The following NALCN variants were observed in gnomAD, a reference collection of about 807,000 sequenced individuals.
The protein encoded by NALCN is sodium leak channel NALCN.
NALCN carries 111 observed loss-of-function variants against 225.3 expected under a neutral mutation model. The ratio of observed to expected loss-of-function variants is 0.49; its 90% CI spans 0.42 to 0.58. NALCN has a LOEUF of 0.58. Ranked by LOEUF, NALCN falls within the 20% of genes least tolerant of loss-of-function variation. NALCN has a pLI of 0.00. For synonymous variants in NALCN, 764 were observed against 769.0 expected, an observed-to-expected ratio of 0.99 and a Z score of 0.11; for missense variants, 1,378 against 2,202.4, an observed-to-expected ratio of 0.63 and a Z score of 7.49.
chr13:101,233,028 AC>A (rs1453661064), intron 12 of NALCN, among the ~76,000 whole-genome samples: 11 of 152,116 alleles, frequency 7.2e-5, no homozygotes, highest in Non-Finnish European at 1.0e-4. Flanking sequence ...AAAGGGTTAA[AC>A]CTGCATTCCT....
At chr13:101,182,137 A>AG (rs1274675171) in intron 14 of NALCN, among the ~76,000 whole-genome samples, 1 of 149,410 alleles carries the variant, frequency 6.7e-6, no homozygotes, top group Non-Finnish European at 1.5e-5. Flanking sequence ...CCATCTCAAA[A>AG]AAAAAAAAAA....
chr13:101,387,220 T>A (rs1425730641), intron 3 of NALCN, among the ~76,000 whole-genome samples: 1 of 93,644 alleles, frequency 1.1e-5, no homozygotes, highest in Admixed American at 1.7e-4. Context: ...AGAGCGAGAC[T>A]CCGTCTCAAA....
chr13:101,385,657 C>A (rs2046966779), intron 3 of NALCN, among the ~76,000 whole-genome samples: 1 of 152,126 alleles, frequency 6.6e-6, no homozygotes, highest in Non-Finnish European at 1.5e-5. Flanking sequence ...CTTTTGGGCC[C>A]AATCTTGTAC....
At chr13:101,345,504 A>G (rs2045691179) in intron 6 of NALCN, 84 bp from the exon 7 acceptor site, 1 of 1,470,426 alleles carries the variant, frequency 6.8e-7, no homozygotes. Flanking sequence ...CCCTTCATTA[A>G]TATCTATGTA....
intron 13 of NALCN, among the ~76,000 whole-genome samples, chr13:101,223,130 T>G: frequency 6.6e-6 from 1 of 152,146 alleles, no homozygotes; most frequent in East Asian, 1.9e-4. Flanking sequence ...AACAACTCTT[T>G]TACGGGACAT....
At chr13:101,257,200 T>C (rs1566493998) in intron 11 of NALCN, among the ~76,000 whole-genome samples, 1 of 131,802 alleles carries the variant, frequency 7.6e-6, no homozygotes, top group Non-Finnish European at 1.7e-5. Context: ...AAAACTCTTA[T>C]TGTTTATTGT....
intron 13 of NALCN, among the ~76,000 whole-genome samples, chr13:101,209,561 C>T (rs10508058): frequency 0.25 from 37,783 of 151,770 alleles, 4,884 homozygotes; most frequent in East Asian, 0.37. Context: ...TAATTATTGC[C>T]GGACACATTA....
intron 11 of NALCN, among the ~76,000 whole-genome samples, chr13:101,243,092 GTT>G (rs68186736): frequency 0.023 from 1,687 of 74,000 alleles, 505 homozygotes; most frequent in Middle Eastern, 0.08. Context: ...GCAGATTTAT[GTT>G]TTTTTTTTTT....
rs1329763425 is a variant in NALCN, at chr13:101,089,954, C to G, written c.3282G>C (p.Arg1094=). ...TTCCCACATTGTCGAAATTAAAGTT[C>G]CGAGGATTCGCCCTGCGATTCCAAT... ...FWVPRVWANP[R]NFNFDNVGNA... Residue 1094 remains arginine (R), a synonymous_variant, in exon 29 of 44, where the codon CGG becomes CGC. Transcript: ENST00000251127. The surrounding 1 kb of genome is among the most constrained non-coding windows in gnomAD (Gnocchi z 4.7). 2 of 1,613,918 alleles carry G rather than the reference C, an allele frequency of 1.2e-6. No homozygotes were observed. Among genetic ancestry groups the G allele is most frequent in the Admixed American group, 1.7e-5 (1 of 60,010 alleles).
intron 7 of NALCN, among the ~76,000 whole-genome samples, chr13:101,333,911 C>G (rs565120739): frequency 6.6e-6 from 1 of 152,058 alleles, no homozygotes; most frequent in Non-Finnish European, 1.5e-5. Flanking sequence ...TACATTCAAA[C>G]GAACAGTGAA....
At chr13:101,112,735 T>C (rs548354221) in intron 18 of NALCN, among the ~76,000 whole-genome samples, 8 of 152,244 alleles carry the variant, frequency 5.3e-5, no homozygotes, top group Non-Finnish European at 1.2e-4. Flanking sequence ...TTCACATTTA[T>C]GTTTCTTAAA....
chr13:101,216,157 T>C (rs372589513), intron 13 of NALCN, among the ~76,000 whole-genome samples: 10 of 152,138 alleles, frequency 6.6e-5, no homozygotes, highest in Admixed American at 3.3e-4. Context: ...ATATAATATG[T>C]AGTTGCTTTT....
chr13:101,299,112 A>C (rs1476687474), intron 7 of NALCN, among the ~76,000 whole-genome samples: 1 of 152,228 alleles, frequency 6.6e-6, no homozygotes, highest in Non-Finnish European at 1.5e-5. Flanking sequence ...TTTGCCACAC[A>C]GTAGACAGCT....
At chr13:101,298,347 T>C (rs2043831030) in intron 7 of NALCN, among the ~76,000 whole-genome samples, 2 of 149,096 alleles carry the variant, frequency 1.3e-5, no homozygotes, top group Admixed American at 6.7e-5. Flanking sequence ...TTTGAGACGG[T>C]GTCTTGCTCT....
At chr13:101,393,747 C>G (rs2139483028) in intron 3 of NALCN, among the ~76,000 whole-genome samples, 1 of 152,268 alleles carries the variant, frequency 6.6e-6, no homozygotes, top group Admixed American at 6.5e-5. Flanking sequence ...GCAGAGGTTG[C>G]AGTGAGCTGA....
intron 13 of NALCN, among the ~76,000 whole-genome samples, chr13:101,217,570 G>A (rs1052456466): frequency 2.0e-5 from 3 of 152,266 alleles, no homozygotes; most frequent in Middle Eastern, 3.4e-3. Context: ...AGTCCTAGCT[G>A]TCTTCCTTTC....
intron 1 of NALCN, among the ~76,000 whole-genome samples, chr13:101,403,733 G>A (rs1047037581): frequency 2.6e-5 from 4 of 152,174 alleles, no homozygotes; most frequent in African/African-American, 9.7e-5. Flanking sequence ...AAACTGTGGG[G>A]TCTTTAGGAG....
intron 6 of NALCN, among the ~76,000 whole-genome samples, chr13:101,354,225 C>A (rs2045985331): frequency 6.6e-6 from 1 of 152,132 alleles, no homozygotes; most frequent in Non-Finnish European, 1.5e-5. Context: ...TGCCTGTAAT[C>A]CCAGCTACTT....
intron 15 of NALCN, among the ~76,000 whole-genome samples, chr13:101,169,524 G>A (rs952693756): frequency 1.1e-4 from 16 of 152,074 alleles, no homozygotes; most frequent in Non-Finnish European, 1.6e-4. Flanking sequence ...GGCTCACTAA[G>A]CTATAGTCTG....
Sources: gnomAD v4.1 joint callset for allele counts (sites outside exome capture counted in the v4.1 genomes callset) on GRCh38, gnomAD v4.1.1 for gene constraint, Gnocchi (gnomAD v3.1) non-coding constraint, MANE v1.5 for transcripts, NCBI Gene and HGNC (gene_info 2026-07-23, HGNC 2026-07-21) for gene names.